The following SASH1 variants were observed in gnomAD, a reference collection of about 807,000 sequenced individuals.
SASH1 encodes the protein SAM and SH3 domain containing 1.
SASH1 carries 44 observed loss-of-function variants against 125.2 expected under a neutral mutation model. The ratio of observed to expected loss-of-function variants is 0.35; its 90% CI spans 0.28 to 0.45. SASH1 has a LOEUF of 0.45. Ranked by LOEUF, SASH1 falls within the 20% of genes least tolerant of loss-of-function variation. The pLI is 1.00. For synonymous variants in SASH1, 639 were observed against 649.1 expected (o/e 0.98, Z 0.24); for missense variants, 1,426 against 1,614.5 (o/e 0.88, Z 2.00).
intron 1 of SASH1, among the ~76,000 whole-genome samples, chr6:148,300,865 A>G (rs1014901966): frequency 6.6e-6 from 1 of 152,188 alleles, no homozygotes; most frequent in African/African-American, 2.4e-5. Context: ...AGCACTGTGA[A>G]AAAGAATTCC....
chr6:148,527,634 C>A, intron 12 of SASH1, 38 bp downstream of exon 12: 1 of 1,576,866 alleles, frequency 6.3e-7, no homozygotes, highest in Non-Finnish European at 8.6e-7. Context: ...CTTGGTTCTT[C>A]CTGACAAGAA....
intron 2 of SASH1, among the ~76,000 whole-genome samples, chr6:148,392,540 A>G (rs1431831569): frequency 2.0e-5 from 3 of 152,216 alleles, no homozygotes; most frequent in Non-Finnish European, 2.9e-5. Context: ...ATATTGTGCA[A>G]GTGAACATAA....
At chr6:148,482,870 G>A in intron 7 of SASH1, among the ~76,000 whole-genome samples, 1 of 151,836 alleles carries the variant, frequency 6.6e-6, no homozygotes, top group Admixed American at 6.6e-5. Flanking sequence ...TGTATTTTTA[G>A]TAGAGACAGG....
chr6:148,392,286 C>CAA lies in SASH1; in HGVS notation c.285+2042_285+2043dup, dbSNP rs61537766. Among the ~76,000 whole-genome samples, 83 of 116,036 alleles carry CAA rather than the reference C, an allele frequency of 7.2e-4. 1 individual carries two copies. The highest frequency in any genetic ancestry group is 4.5e-3 in the Middle Eastern group (1 of 222). The allele number at this position is 116,036 out of a possible 152,430, so 76.1% of individuals were successfully genotyped here. ...GGGCAACAAGAGTGAAACTCTGTCT[C>CAA]AAAAAAAAAAAAAAAAAAAGTTTGA... On this transcript the variant is annotated intron_variant, in intron 2 of 19. Transcript: ENST00000367467.
chr6:148,278,156 C>T (rs897533223), intron 1 of SASH1, among the ~76,000 whole-genome samples: 1 of 152,184 alleles, frequency 6.6e-6, no homozygotes, highest in Non-Finnish European at 1.5e-5. Context: ...TCTCCTGCCT[C>T]AGCCTGTCGA....
chr6:148,236,444 T>A, the SASH1 span, among the ~76,000 whole-genome samples: 32 of 152,270 alleles, frequency 2.1e-4, no homozygotes, highest in African/African-American at 6.5e-4. Context: ...ATCCCTGACC[T>A]CAGGTGATCC....
intron 1 of SASH1, among the ~76,000 whole-genome samples, chr6:148,322,836 G>T (rs1473951776): frequency 6.6e-6 from 1 of 151,550 alleles, no homozygotes; most frequent in East Asian, 1.9e-4. Flanking sequence ...TACACAGAGG[G>T]GTTTCATCCG....
the SASH1 span, among the ~76,000 whole-genome samples, chr6:148,261,678 T>C: frequency 6.6e-6 from 1 of 151,962 alleles, no homozygotes; most frequent in Non-Finnish European, 1.5e-5. Context: ...GGCTCTGAGG[T>C]GGGCTGCAGG....
At chr6:148,427,240 A>G (rs1039235022) in intron 2 of SASH1, among the ~76,000 whole-genome samples, 39 of 152,248 alleles carry the variant, frequency 2.6e-4, no homozygotes, top group African/African-American at 8.9e-4. Context: ...TAGAATGGCC[A>G]GATATCATGG....
At chr6:148,508,441 A>G in intron 8 of SASH1, 4 of 994,024 alleles carry the variant, frequency 4.0e-6, no homozygotes, top group Non-Finnish European at 4.8e-6. Flanking sequence ...TGTCTCTGGA[A>G]TTCCATAGAC....
intron 4 of SASH1, among the ~76,000 whole-genome samples, chr6:148,452,212 G>A (rs1293324429): frequency 6.6e-6 from 1 of 152,230 alleles, no homozygotes; most frequent in African/African-American, 2.4e-5. Flanking sequence ...TGGCCCAAGA[G>A]CCAGGTGTTG....
the SASH1 span, among the ~76,000 whole-genome samples, chr6:148,256,794 TAA>T: frequency 6.6e-6 from 1 of 152,156 alleles, no homozygotes; most frequent in Non-Finnish European, 1.5e-5. Context: ...ATCTTATACT[TAA>T]GAGGGTGAAT....
the SASH1 span, among the ~76,000 whole-genome samples, chr6:148,255,981 T>A: frequency 7.1e-6 from 1 of 140,214 alleles, no homozygotes; most frequent in Admixed American, 7.2e-5. Flanking sequence ...AAACATGTAA[T>A]CTTTAGTATC....
At chr6:148,323,264 C>T (rs1018343667) in intron 1 of SASH1, among the ~76,000 whole-genome samples, 3 of 152,160 alleles carry the variant, frequency 2.0e-5, no homozygotes. Flanking sequence ...CCCGCCTCGG[C>T]CTCCCAAAGT....
chr6:148,363,584 TAGGGACGGGG>T (rs1782335342), intron 1 of SASH1, among the ~76,000 whole-genome samples: 1 of 152,016 alleles, frequency 6.6e-6, no homozygotes, highest in Non-Finnish European at 1.5e-5. Flanking sequence ...GTATTTTTAG[TAGGGACGGGG>T]TTTCACCATC....
rs983354694 is a variant in SASH1, at chr6:148,549,778, T to C, written c.*1220T>C. 5.1e-6 allele frequency: 2 copies of C among 388,766 alleles called. No individual in the cohort carries two copies. Among genetic ancestry groups the C allele is most frequent in the Non-Finnish European group, 9.1e-6 (2 of 220,136 alleles). The allele number at this position is 388,766 out of a possible 1,614,324, so 24.1% of individuals were successfully genotyped here. A position where few individuals can be genotyped will look rare whatever the true frequency, so the allele number is the denominator to read the frequency against. ...GCCATGTGTTAAGTATTTGCTACTTTAAATTGTTTTACAACTGATTTCAGC... is the reference window on the plus strand; with the variant it reads ...GCCATGTGTTAAGTATTTGCTACTTCAAATTGTTTTACAACTGATTTCAGC... On this transcript the variant is annotated 3_prime_UTR_variant, in exon 20 of 20. Transcript: ENST00000367467.
Position 148,395,202 on chromosome 6 carries a change from G to A in SASH1, c.285+4940G>A, listed in dbSNP as rs138827636. On this transcript the variant is annotated intron_variant, in intron 2 of 19. Coordinates refer to ENST00000367467, the MANE Select transcript of SASH1 (RefSeq NM_015278.5). ...CTTTGTTTCATTCTAAATCTTCTGG[G>A]TGAATTTTGGAGATTGAAGAAATAG... is the stretch of plus-strand genomic sequence containing the variant. Among the ~76,000 whole-genome samples the A allele has an allele frequency of 5.0e-4, 76 of 152,280 alleles. No homozygotes were observed. In the East Asian group the frequency reaches 0.012, roughly 24 times the overall value.
rs1782841853 is a variant in SASH1, at chr6:148,550,859, G to A, written c.*2301G>A. 6.6e-6 allele frequency: 1 copy of A among 152,222 alleles called. No individual in the cohort carries two copies. 9.4% of individuals were successfully genotyped at this position (152,222 alleles called of 1,614,324 possible). ...CACACAAAAGTTGTGTAAGAGATGA[G>A]ATAACAAAGGAGCGAGAGAAATCTC... On this transcript the variant is annotated 3_prime_UTR_variant, in exon 20 of 20. Transcript: ENST00000367467.
intron 1 of SASH1, among the ~76,000 whole-genome samples, chr6:148,272,993 C>T (rs1779100172): frequency 6.6e-6 from 1 of 152,084 alleles, no homozygotes; most frequent in Non-Finnish European, 1.5e-5. Flanking sequence ...AACATGGGGG[C>T]TCATGCCTAT....
Sources: allele counts gnomAD v4.1 joint callset (sites outside exome capture counted in the v4.1 genomes callset), GRCh38; gene constraint gnomAD v4.1.1; transcripts MANE v1.5; gene names NCBI Gene and HGNC (gene_info 2026-07-23, HGNC 2026-07-21).